The following STXBP4 variants were observed in gnomAD, a reference collection of about 807,000 sequenced individuals.
STXBP4 encodes syntaxin binding protein 4.
A neutral mutation model predicts 76.1 loss-of-function variants in STXBP4; 55 were observed. The observed-to-expected ratio is 0.72, with a 90% CI of 0.58 to 0.91. The LOEUF (loss-of-function observed/expected upper bound fraction) is 0.91. STXBP4 is among the 40% of genes least tolerant of loss of function. The pLI is 0.00. For missense variants in STXBP4, 618 were observed against 636.9 expected (o/e 0.97, Z 0.32); for synonymous variants, 201 against 220.2 (o/e 0.91, Z 0.77).
chr17:54,988,829 C>G (rs2077666238), intron 3 of STXBP4, among the ~76,000 whole-genome samples: 1 of 152,104 alleles, frequency 6.6e-6, no homozygotes, highest in East Asian at 1.9e-4. Flanking sequence ...ACCCTGTCCT[C>G]TCTGCCTTTT....
intron 16 of STXBP4, among the ~76,000 whole-genome samples, chr17:55,086,481 A>G (rs576868456): frequency 1.3e-5 from 2 of 152,336 alleles, no homozygotes; most frequent in Admixed American, 1.3e-4. Flanking sequence ...AGTATAGAAC[A>G]CTAGAACTTA....
At chr17:55,016,682 C>T (rs1254768892) in intron 8 of STXBP4, among the ~76,000 whole-genome samples, 1 of 152,180 alleles carries the variant, frequency 6.6e-6, no homozygotes, top group Non-Finnish European at 1.5e-5. Context: ...GAAGGGAGTT[C>T]CTCCTAGGTC....
intron 16 of STXBP4, among the ~76,000 whole-genome samples, chr17:55,140,230 C>T (rs767681332): frequency 2.6e-5 from 4 of 152,082 alleles, no homozygotes; most frequent in South Asian, 2.1e-4. Flanking sequence ...ATCACTTGAG[C>T]GCAGGAGTTC....
chr17:55,185,296 T>TCCTCCTCCTC, the STXBP4 span, among the ~76,000 whole-genome samples: 3 of 88,034 alleles, frequency 3.4e-5, no homozygotes, highest in African/African-American at 9.5e-5. Context: ...TCCTTCTCCT[T>TCCTCCTCCTC]CTCCTTCTCC....
intron 12 of STXBP4, among the ~76,000 whole-genome samples, chr17:55,065,320 G>A (rs1296594251): frequency 6.6e-6 from 1 of 152,064 alleles, no homozygotes; most frequent in African/African-American, 2.4e-5. Context: ...CTCTTGTTAT[G>A]TCTCGCTTTG....
At chr17:55,107,165 C>T (rs985072842) in intron 16 of STXBP4, among the ~76,000 whole-genome samples, 2 of 152,182 alleles carry the variant, frequency 1.3e-5, no homozygotes, top group African/African-American at 2.4e-5. Flanking sequence ...ATCTTGTCAT[C>T]ATGCTTTATT....
At chr17:55,087,408 A>T (rs1352273990) in intron 16 of STXBP4, among the ~76,000 whole-genome samples, 1 of 152,058 alleles carries the variant, frequency 6.6e-6, no homozygotes, top group Non-Finnish European at 1.5e-5. Flanking sequence ...TTCAGATCTT[A>T]CATTTAGGTC....
intron 8 of STXBP4, among the ~76,000 whole-genome samples, chr17:55,008,975 C>T (rs1468702787): frequency 6.6e-6 from 1 of 152,144 alleles, no homozygotes; most frequent in Non-Finnish European, 1.5e-5. Flanking sequence ...TATTATAGTT[C>T]GGACCAACAT....
chr17:55,131,029 A>G (rs1386893382), intron 16 of STXBP4, among the ~76,000 whole-genome samples: 3 of 152,240 alleles, frequency 2.0e-5, no homozygotes, highest in African/African-American at 7.2e-5. Flanking sequence ...CTTTGGGTAT[A>G]TACCCAGAAG....
chr17:54,998,513 G>T (rs2077851737), intron 4 of STXBP4, among the ~76,000 whole-genome samples: 1 of 152,178 alleles, frequency 6.6e-6, no homozygotes, highest in Non-Finnish European at 1.5e-5. Flanking sequence ...GTCTTACTCA[G>T]TTAGGCTAGC....
chr17:55,016,514 C>G (rs934766835), intron 8 of STXBP4, among the ~76,000 whole-genome samples: 3 of 152,194 alleles, frequency 2.0e-5, no homozygotes, highest in Non-Finnish European at 4.4e-5. Flanking sequence ...TCTGTAAGTA[C>G]TTTAAGGCTT....
At chr17:55,155,624 G>A (rs1669366525) in intron 17 of STXBP4, among the ~76,000 whole-genome samples, 1 of 150,912 alleles carries the variant, frequency 6.6e-6, no homozygotes, top group Non-Finnish European at 1.5e-5. Flanking sequence ...TGTATAAATA[G>A]TGCCATCTAT....
At chr17:55,047,540 A>G (rs2078806786) in intron 12 of STXBP4, among the ~76,000 whole-genome samples, 1 of 151,784 alleles carries the variant, frequency 6.6e-6, no homozygotes, top group Non-Finnish European at 1.5e-5. Flanking sequence ...AAAAGTCATC[A>G]AGGCAGAGCA....
chr17:55,087,643 G>A (rs2079354965), intron 16 of STXBP4, among the ~76,000 whole-genome samples: 1 of 152,122 alleles, frequency 6.6e-6, no homozygotes, highest in Non-Finnish European at 1.5e-5. Context: ...GGTTACTGCA[G>A]CTTTGTAGTA....
chr17:54,984,245 T>C (rs1425238405), intron 1 of STXBP4, among the ~76,000 whole-genome samples: 1 of 152,116 alleles, frequency 6.6e-6, no homozygotes, highest in Admixed American at 6.5e-5. Context: ...AGGATGATCC[T>C]CTTGATTTTA....
chr17:54,988,920 C>T (rs1487722743), intron 3 of STXBP4, among the ~76,000 whole-genome samples: 5 of 152,122 alleles, frequency 3.3e-5, no homozygotes, highest in Non-Finnish European at 7.3e-5. Flanking sequence ...TGTGATACAG[C>T]TCTAAATGAT....
intron 16 of STXBP4, among the ~76,000 whole-genome samples, chr17:55,119,986 C>T (rs189189043): frequency 6.6e-6 from 1 of 152,148 alleles, no homozygotes; most frequent in Admixed American, 6.6e-5. Flanking sequence ...TATTTGATGA[C>T]ACATCACATA....
chr17:55,006,400 C>T (rs1444877018), intron 7 of STXBP4, among the ~76,000 whole-genome samples: 1 of 152,038 alleles, frequency 6.6e-6, no homozygotes, highest in East Asian at 1.9e-4. Flanking sequence ...TGACATTTTC[C>T]AAAGATTTTT....
chr17:55,054,173 AAG>A (rs1567739873), intron 12 of STXBP4, among the ~76,000 whole-genome samples: 1 of 152,184 alleles, frequency 6.6e-6, no homozygotes, highest in Admixed American at 6.5e-5. Flanking sequence ...ATATAAACAA[AAG>A]AGAGAATCTT....
Sources: gnomAD v4.1 joint callset for allele counts (sites outside exome capture counted in the v4.1 genomes callset) on GRCh38, gnomAD v4.1.1 for gene constraint, MANE v1.5 for transcripts, NCBI Gene and HGNC (gene_info 2026-07-23, HGNC 2026-07-21) for gene names.